The following NELL2 variants were observed in gnomAD, a reference collection of about 807,000 sequenced individuals.
NELL2 encodes protein kinase C-binding protein NELL2.
NELL2 carries 41 observed loss-of-function variants against 109.6 expected under a neutral mutation model. The ratio of observed to expected loss-of-function variants is 0.37; its 90% confidence interval spans 0.29 to 0.49. The LOEUF is 0.49. Among genes scored for constraint, NELL2 ranks in the 20% least tolerant of loss-of-function variants. The pLI, the probability that NELL2 is intolerant of heterozygous loss-of-function variation, is 0.98. For missense variants in NELL2, 900 were observed against 1,008.3 expected (o/e 0.89, Z 1.45); for synonymous variants, 355 against 344.7 (o/e 1.03, Z -0.33).
At position 44,540,603 on chromosome 12, in the gene NELL2, A is replaced by G. The variant is rs542936368; in HGVS notation, c.1664-7882T>C. 5.9e-5 allele frequency among the ~76,000 whole-genome samples: 9 copies of G among 152,156 alleles called. No homozygotes were observed. In the South Asian group the frequency reaches 1.9e-3, roughly 32 times the overall value. ...TGCTGAAAGCAAGCAGTTACCCTCA[A>G]AGGGCAGAGTGAATGTTTGTTTTTT... On this transcript the variant is annotated intron_variant, in intron 15 of 19. Coordinates refer to ENST00000429094, the MANE Select transcript of NELL2 (RefSeq NM_001145108.2).
At chr12:44,600,298 C>T (rs191005600) in intron 15 of NELL2, among the ~76,000 whole-genome samples, 82 of 151,476 alleles carry the variant, frequency 5.4e-4, no homozygotes, top group Admixed American at 1.3e-3. Context: ...TGTGAACCAC[C>T]GCGCCCGGCC....
intron 15 of NELL2, among the ~76,000 whole-genome samples, chr12:44,539,496 A>G (rs1478239628): frequency 2.0e-5 from 3 of 152,032 alleles, no homozygotes; most frequent in Non-Finnish European, 4.4e-5. Flanking sequence ...TATTTTACAG[A>G]TTTCTGAATG....
chr12:44,770,035 G>T (rs1236174506), intron 9 of NELL2, among the ~76,000 whole-genome samples: 1 of 152,064 alleles, frequency 6.6e-6, no homozygotes, highest in Non-Finnish European at 1.5e-5. Context: ...AAATTACCGT[G>T]CATTACATAC....
At position 44,520,144 on chromosome 12, in the gene NELL2, C is replaced by T. The variant is rs368968650; in HGVS notation, c.2261G>A (p.Arg754His). The T allele has an allele frequency of 7.4e-6, 12 of 1,613,830 alleles. No individual in the cohort carries two copies. Among genetic ancestry groups the T allele is most frequent in the African/African-American group, 2.7e-5 (2 of 74,854 alleles). Reference protein sequence around the residue: ...SILPENECCPRCVTDPCQADT... With the variant: ...SILPENECCPHCVTDPCQADT... ...AGCCTGGCAAGGGTCTGTGACACAGCGCGGGCAGCACTCATTCTCTGGGAG... is the reference window on the plus strand; with the variant it reads ...AGCCTGGCAAGGGTCTGTGACACAGTGCGGGCAGCACTCATTCTCTGGGAG... The change falls in exon 19 of 20, where the codon CGC (arginine) becomes CAC (histidine). Residue 754 changes from arginine (R) to histidine (H), a missense_variant. By Grantham distance (29) the Arg-to-His change is conservative. Coordinates refer to ENST00000429094, the MANE Select transcript of NELL2 (RefSeq NM_001145108.2).
At chr12:44,824,174 T>C (rs7957052) in intron 2 of NELL2, among the ~76,000 whole-genome samples, 19,475 of 152,226 alleles carry the variant, frequency 0.13, 1,550 homozygotes, top group East Asian at 0.23. Flanking sequence ...ATGGACCCCT[T>C]GGCAGATGTA....
intron 15 of NELL2, among the ~76,000 whole-genome samples, chr12:44,576,761 G>C (rs1944102469): frequency 6.6e-6 from 1 of 151,796 alleles, no homozygotes; most frequent in African/African-American, 2.4e-5. Context: ...TGACCTCATT[G>C]TTCAATTCCC....
At chr12:44,863,884 G>A (rs1944912230) in intron 2 of NELL2, among the ~76,000 whole-genome samples, 1 of 152,118 alleles carries the variant, frequency 6.6e-6, no homozygotes, top group South Asian at 2.1e-4. Context: ...GATATAAAAA[G>A]ATGCAAACGG....
chr12:44,594,040 C>G (rs1211981351), intron 15 of NELL2, among the ~76,000 whole-genome samples: 1 of 151,880 alleles, frequency 6.6e-6, no homozygotes, highest in African/African-American at 2.4e-5. Context: ...GAACAGAAAA[C>G]CAAACACTAC....
intron 2 of NELL2, among the ~76,000 whole-genome samples, chr12:44,824,444 T>C (rs1297358424): frequency 1.3e-5 from 2 of 152,132 alleles, no homozygotes; most frequent in South Asian, 2.1e-4. Flanking sequence ...GAGATAAGGG[T>C]CTAATTTCAT....
chr12:44,740,704 C>CT (rs1279970420), intron 9 of NELL2, among the ~76,000 whole-genome samples: 1 of 152,154 alleles, frequency 6.6e-6, no homozygotes, highest in Non-Finnish European at 1.5e-5. Context: ...TGTTTCTTCT[C>CT]TACCAGTTAG....
chr12:44,671,423 A>G (rs144486008), intron 12 of NELL2, among the ~76,000 whole-genome samples: 69 of 152,314 alleles, frequency 4.5e-4, no homozygotes, highest in African/African-American at 1.4e-3. Flanking sequence ...TAGTAGAAGA[A>G]AAGAAATGAC....
chr12:44,666,649 T>C (rs633526), intron 12 of NELL2, among the ~76,000 whole-genome samples: 43,499 of 152,064 alleles, frequency 0.29, 6,447 homozygotes, highest in East Asian at 0.49. Flanking sequence ...TTTAGAACTG[T>C]AGGGTTCTTA....
chr12:44,607,097 T>G (rs1313375329), intron 15 of NELL2, 72 bp downstream of exon 15: 4 of 1,318,738 alleles, frequency 3.0e-6, no homozygotes, highest in Non-Finnish European at 4.2e-6. Context: ...CTTGAAACAT[T>G]ATTTTCCTCA....
intron 13 of NELL2, among the ~76,000 whole-genome samples, chr12:44,623,339 G>A (rs932153980): frequency 6.6e-6 from 1 of 152,056 alleles, no homozygotes; most frequent in Admixed American, 6.6e-5. Context: ...ACTTACACCT[G>A]TGTTTTGTTC....
intron 1 of NELL2, 145 bp from the exon 2 acceptor site, chr12:44,875,498 G>C: frequency 6.2e-7 from 1 of 1,613,946 alleles, no homozygotes; most frequent in Non-Finnish European, 8.5e-7. Flanking sequence ...CCTCCGCCGA[G>C]AGCCTTACCT....
At chr12:44,870,313 CT>C (rs1945126562) in intron 2 of NELL2, among the ~76,000 whole-genome samples, 1 of 152,254 alleles carries the variant, frequency 6.6e-6, no homozygotes, top group Admixed American at 6.5e-5. Flanking sequence ...GCAATCTAGG[CT>C]TTTTCTATCA....
At chr12:44,851,266 C>A (rs561650008) in intron 2 of NELL2, among the ~76,000 whole-genome samples, 1 of 152,044 alleles carries the variant, frequency 6.6e-6, no homozygotes, top group South Asian at 2.1e-4. Context: ...CCCACTGCCA[C>A]CCCCTACCAT....
chr12:44,806,895 G>A (rs1457241029), intron 3 of NELL2, among the ~76,000 whole-genome samples: 1 of 151,648 alleles, frequency 6.6e-6, no homozygotes, highest in Non-Finnish European at 1.5e-5. Flanking sequence ...AAATGAGGGA[G>A]GGGGAGAGAT....
intron 11 of NELL2, among the ~76,000 whole-genome samples, chr12:44,710,139 C>A (rs761423559): frequency 6.6e-6 from 1 of 152,034 alleles, no homozygotes; most frequent in African/African-American, 2.4e-5. Context: ...AAAACAAAAC[C>A]AAACTGCACC....
Sources: gnomAD v4.1 joint callset for allele counts (sites outside exome capture counted in the v4.1 genomes callset) on GRCh38, gnomAD v4.1.1 for gene constraint, MANE v1.5 for transcripts, NCBI Gene and HGNC (gene_info 2026-07-23, HGNC 2026-07-21) for gene names.